The following ZNF716 variants were observed in gnomAD, a reference collection of about 807,000 sequenced individuals.
ZNF716 encodes zinc finger protein 716.
Under a neutral mutation model 13.4 loss-of-function variants are expected in ZNF716, and 9 were observed. The observed-to-expected ratio is 0.67, with a 90% CI of 0.41 to 1.18. The LOEUF is 1.18. Ranked by LOEUF, ZNF716 falls within the 50% of genes most tolerant of loss-of-function variation. The pLI is 0.01. For missense variants in ZNF716, 581 were observed against 576.6 expected (o/e 1.01, Z -0.08); for synonymous variants, 186 against 195.2 (o/e 0.95, Z 0.39).
At chr7:57,454,024 G>A (rs1789542815) in intron 1 of ZNF716, among the ~76,000 whole-genome samples, 1 of 152,110 alleles carries the variant, frequency 6.6e-6, no homozygotes, top group Admixed American at 6.6e-5. Context: ...GTAAAGATGG[G>A]GTTTTGCCAT....
intron 3 of ZNF716, among the ~76,000 whole-genome samples, chr7:57,467,371 G>A (rs1789835389): frequency 6.6e-6 from 1 of 151,996 alleles, no homozygotes; most frequent in Admixed American, 6.6e-5. Flanking sequence ...TAAGTGGAAG[G>A]ACCTCTTTTC....
At chr7:57,462,065 C>G (rs1312552775) in intron 1 of ZNF716, among the ~76,000 whole-genome samples, 4 of 151,360 alleles carry the variant, frequency 2.6e-5, no homozygotes, top group Non-Finnish European at 5.9e-5. Context: ...GAGGCTGAGG[C>G]AGGAAAATCA....
chr7:57,466,692 A>G (rs1554324180), intron 3 of ZNF716, among the ~76,000 whole-genome samples: 1 of 152,142 alleles, frequency 6.6e-6, no homozygotes, highest in Non-Finnish European at 1.5e-5. Flanking sequence ...GAAATTACCC[A>G]GTCTCAGGCA....
At chr7:57,453,528 G>A (rs1789532794) in intron 1 of ZNF716, among the ~76,000 whole-genome samples, 1 of 152,176 alleles carries the variant, frequency 6.6e-6, no homozygotes, top group African/African-American at 2.4e-5. Context: ...GAAAAAAAAT[G>A]TAGTCATGTA....
In ZNF716 at chr7:57,462,475, A is replaced by G; in HGVS notation, c.55A>G (p.Arg19Gly). 1.2e-6 allele frequency: 2 copies of G among 1,613,858 alleles called. No homozygotes were observed. The highest frequency in any genetic ancestry group is 1.7e-6 in the Non-Finnish European group (2 of 1,179,952). ...GSREMGLLTF[R>G]DIAIEFSLAE... ...TTGTTTTTAGGGACTGTTGACATTC[A>G]GAGACATAGCTATAGAATTTTCTCT... Residue 19 changes from arginine (R) to glycine (G), a missense_variant, in exon 2 of 4, where the codon AGA becomes GGA. Arg to Gly is a moderately radical substitution (Grantham distance 125, BLOSUM62 -2). Transcript: ENST00000420713.
At chr7:57,451,846 AACCTCCACCT>A (rs1422080093) in intron 1 of ZNF716, among the ~76,000 whole-genome samples, 1 of 149,686 alleles carries the variant, frequency 6.7e-6, no homozygotes, top group East Asian at 2.0e-4. Context: ...GCCTCACTAC[AACCTCCACCT>A]CCTGGGTTCA....
chr7:57,460,702 A>G (rs565206401), intron 1 of ZNF716, among the ~76,000 whole-genome samples: 1 of 152,270 alleles, frequency 6.6e-6, no homozygotes, highest in East Asian at 1.9e-4. Context: ...GTGGATACTC[A>G]ATATTTCTTT....
In ZNF716 at chr7:57,473,310, G is replaced by C. The variant is rs1320867297; in HGVS notation, c.*3361G>C. On this transcript the variant is annotated 3_prime_UTR_variant, in exon 4 of 4. Transcript: ENST00000420713. ...GAGGTGGGAGGATCATTTGAGGTTA[G>C]GAGTTCAAGACCAGCCTGGCCAACA... 7.9e-5 allele frequency: 12 copies of C among 152,024 alleles called. No homozygotes were observed. Among genetic ancestry groups the C allele is most frequent in the Non-Finnish European group, 1.5e-5 (1 of 68,022 alleles). The allele number at this position is 152,024 out of a possible 1,614,324, so 9.4% of individuals were successfully genotyped here.
At chr7:57,461,861 C>CA (rs1789712570) in intron 1 of ZNF716, among the ~76,000 whole-genome samples, 1 of 152,058 alleles carries the variant, frequency 6.6e-6, no homozygotes, top group African/African-American at 2.4e-5. Context: ...ATATAGCACT[C>CA]AAAAATAGAC....
intron 3 of ZNF716, 150 bp from the exon 4 acceptor site, chr7:57,468,574 C>A: frequency 1.3e-6 from 1 of 791,456 alleles, no homozygotes; most frequent in Non-Finnish European, 1.9e-6. Flanking sequence ...TATTTTGTTA[C>A]ATTTATACAT....
Position 57,471,098 on chromosome 7 carries a change from C to CA in ZNF716, c.*1151dup, listed in dbSNP as rs1465960555. ...CATTAATGTCTGTTCACATCTTACT[C>CA]AATATCAGAAAGTTTATACTTAACA... On this transcript the variant is annotated 3_prime_UTR_variant, in exon 4 of 4. Transcript: ENST00000420713. 6.6e-6 allele frequency: 1 copy of CA among 151,992 alleles called. No individual in the cohort carries two copies. The highest frequency in any genetic ancestry group is 1.5e-5 in the Non-Finnish European group (1 of 68,008). The allele number at this position is 151,992 out of a possible 1,614,324, so 9.4% of individuals were successfully genotyped here. A position where few individuals can be genotyped will look rare whatever the true frequency, so the allele number is the denominator to read the frequency against.
chr7:57,466,776 C>T (rs10254023), intron 3 of ZNF716, among the ~76,000 whole-genome samples: 58,159 of 151,368 alleles, frequency 0.38, 11,320 homozygotes, highest in East Asian at 0.51. Flanking sequence ...TTTAATTGAT[C>T]TTTTATTTGA....
chr7:57,451,307 T>C (rs73345903), intron 1 of ZNF716, among the ~76,000 whole-genome samples: 5,431 of 151,752 alleles, frequency 0.036, 316 homozygotes, highest in East Asian at 0.24. Flanking sequence ...GATCCCCCCG[T>C]GCCCAGCTGT....
In ZNF716 at chr7:57,464,905, G is replaced by A. The variant is rs551355795; in HGVS notation, c.262+1737G>A. On this transcript the variant is annotated intron_variant, in intron 3 of 3. Coordinates refer to ENST00000420713, the MANE Select transcript of ZNF716 (RefSeq NM_001159279.1). The stretch of plus-strand genomic sequence containing the variant: ...GTCATACACAGAAGAGTTCATTGCT[G>A]GCCTCCCTATTTTGTTCTATCATGT... Among the ~76,000 whole-genome samples the A allele has an allele frequency of 4.6e-5, 7 of 152,168 alleles. No homozygotes were observed. In the East Asian group the frequency reaches 1.4e-3, roughly 29 times the overall value.
intron 1 of ZNF716, among the ~76,000 whole-genome samples, chr7:57,460,974 T>A (rs1177551675): frequency 7.2e-5 from 11 of 151,770 alleles, no homozygotes; most frequent in East Asian, 1.9e-4. Context: ...GATTTTTTTT[T>A]ATAATTAAAT....
intron 3 of ZNF716, among the ~76,000 whole-genome samples, chr7:57,467,890 A>G (rs1319379746): frequency 2.6e-4 from 40 of 151,950 alleles, no homozygotes; most frequent in Non-Finnish European, 4.9e-4. Flanking sequence ...TTTAAAATTA[A>G]TATATAAATC....
chr7:57,466,953 A>C (rs1168513453), intron 3 of ZNF716, among the ~76,000 whole-genome samples: 2 of 151,966 alleles, frequency 1.3e-5, no homozygotes, highest in Non-Finnish European at 2.9e-5. Flanking sequence ...ATTCCTAGTA[A>C]ATGGGCTCAT....
At chr7:57,463,907 T>C (rs535867318) in intron 3 of ZNF716, among the ~76,000 whole-genome samples, 12 of 152,214 alleles carry the variant, frequency 7.9e-5, no homozygotes, top group Admixed American at 1.3e-4. Context: ...CAGGTTTCAA[T>C]TGCTTTACAT....
At chr7:57,462,688 C>CCA (rs1279542162) in intron 2 of ZNF716, 102 bp downstream of exon 2, 84 of 1,336,602 alleles carry the variant, frequency 6.3e-5, no homozygotes, top group Middle Eastern at 1.9e-4. Context: ...TTTAGCTCTC[C>CCA]AGTTTTAAGA....
Sources: allele counts gnomAD v4.1 joint callset (sites outside exome capture counted in the v4.1 genomes callset), GRCh38; gene constraint gnomAD v4.1.1; transcripts MANE v1.5; gene names NCBI Gene and HGNC (gene_info 2026-07-23, HGNC 2026-07-21).